Variants in PTPRM observed in about 807,000 individuals in gnomAD.
The protein encoded by PTPRM is receptor-type tyrosine-protein phosphatase mu.
Under a neutral mutation model 186.7 loss-of-function variants are expected in PTPRM, and 47 were observed. The observed-to-expected ratio is 0.25, with a 90% CI of 0.20 to 0.32. PTPRM has a LOEUF of 0.32. PTPRM is among the 10% of genes least tolerant of loss of function. The pLI, the probability that PTPRM is intolerant of heterozygous loss-of-function variation, is 1.00. For missense variants in PTPRM, 1,494 were observed against 1,865.0 expected (o/e 0.80, Z 3.66); for synonymous variants, 668 against 674.9 (o/e 0.99, Z 0.16).
At chr18:7,597,861 A>G (rs1373016397) in intron 1 of PTPRM, among the ~76,000 whole-genome samples, 1 of 152,226 alleles carries the variant, frequency 6.6e-6, no homozygotes, top group Non-Finnish European at 1.5e-5. Context: ...CATGTAGTGG[A>G]TAGGTGAAAA....
chr18:7,666,358 A>T (rs2039094305), intron 1 of PTPRM, among the ~76,000 whole-genome samples: 2 of 152,212 alleles, frequency 1.3e-5, no homozygotes, highest in African/African-American at 4.8e-5. Context: ...ACGAATGATA[A>T]CACTAATAAC....
intron 14 of PTPRM, among the ~76,000 whole-genome samples, chr18:8,156,720 C>T (rs79046834): frequency 0.013 from 1,923 of 152,242 alleles, 39 homozygotes; most frequent in African/African-American, 0.044. Flanking sequence ...CTGACAACAC[C>T]GTGCAGTCAT....
chr18:8,314,770 T>C lies in PTPRM; in HGVS notation c.2843-11T>C. On this transcript the variant is annotated splice_polypyrimidine_tract_variant and intron_variant, in intron 20 of 32. Transcript: ENST00000580170. ...TGTTAATCGTTATTTTCTGTCCCTT[T>C]TCCTTTGCAGACGATCATTCCCGAG... 1 of 1,609,232 alleles carries C rather than the reference T, an allele frequency of 6.2e-7. No homozygotes were observed. The highest frequency in any genetic ancestry group is 8.5e-7 in the Non-Finnish European group (1 of 1,176,796).
At chr18:8,345,392 A>T (rs1453535590) in intron 23 of PTPRM, among the ~76,000 whole-genome samples, 1 of 152,160 alleles carries the variant, frequency 6.6e-6, no homozygotes, top group Non-Finnish European at 1.5e-5. Context: ...GAAAAACCAC[A>T]TATAGCCAAT....
intron 14 of PTPRM, among the ~76,000 whole-genome samples, chr18:8,203,615 T>C (rs888806176): frequency 2.6e-5 from 4 of 152,220 alleles, no homozygotes; most frequent in African/African-American, 9.6e-5. Flanking sequence ...TGCAGTTATA[T>C]GGAAGAATTC....
At chr18:7,665,876 C>G (rs1242538290) in intron 1 of PTPRM, among the ~76,000 whole-genome samples, 1 of 151,854 alleles carries the variant, frequency 6.6e-6, no homozygotes, top group East Asian at 1.9e-4. Flanking sequence ...GAGTTGGGAT[C>G]GCGCCACTGC....
At chr18:7,921,259 ATCTTTTTCC>A (rs1568016428) in intron 4 of PTPRM, among the ~76,000 whole-genome samples, 1 of 151,908 alleles carries the variant, frequency 6.6e-6, no homozygotes, top group African/African-American at 2.4e-5. Flanking sequence ...TTTGTAGATA[ATCTTTTTCC>A]TTTTCATTTT....
intron 22 of PTPRM, among the ~76,000 whole-genome samples, chr18:8,322,305 G>C (rs187265419): frequency 6.6e-6 from 1 of 152,096 alleles, no homozygotes; most frequent in Admixed American, 6.5e-5. Context: ...TTTTCTAGCT[G>C]TAACTGACTT....
At chr18:8,178,710 C>T (rs556759852) in intron 14 of PTPRM, among the ~76,000 whole-genome samples, 1 of 152,128 alleles carries the variant, frequency 6.6e-6, no homozygotes, top group Non-Finnish European at 1.5e-5. Flanking sequence ...TCACTAGAAC[C>T]TGGGAGGTGG....
chr18:8,198,599 C>T (rs2093811637), intron 14 of PTPRM, among the ~76,000 whole-genome samples: 1 of 152,222 alleles, frequency 6.6e-6, no homozygotes, highest in African/African-American at 2.4e-5. Context: ...TTGTGCTCCA[C>T]TGTCTGCTCA....
intron 1 of PTPRM, among the ~76,000 whole-genome samples, chr18:7,653,436 C>A (rs2038771025): frequency 1.3e-5 from 2 of 151,774 alleles, no homozygotes; most frequent in Admixed American, 1.3e-4. Context: ...AGCCTAGTAC[C>A]CATTAGTTTT....
chr18:7,675,956 T>C (rs915654866), intron 1 of PTPRM, among the ~76,000 whole-genome samples: 8 of 152,232 alleles, frequency 5.3e-5, no homozygotes, highest in Middle Eastern at 3.4e-3. Context: ...AGGTTGGTCT[T>C]GAACTCCTGA....
At chr18:7,610,339 T>C (rs1378240590) in intron 1 of PTPRM, among the ~76,000 whole-genome samples, 1 of 152,198 alleles carries the variant, frequency 6.6e-6, no homozygotes, top group Non-Finnish European at 1.5e-5. Flanking sequence ...TGTCTTAAAG[T>C]GTTTTCTATC....
At chr18:7,991,093 G>A (rs774196388) in intron 7 of PTPRM, among the ~76,000 whole-genome samples, 1 of 152,128 alleles carries the variant, frequency 6.6e-6, no homozygotes, top group African/African-American at 2.4e-5. Flanking sequence ...CATGAATGAG[G>A]TTCTTAATTT....
intron 22 of PTPRM, among the ~76,000 whole-genome samples, 199 bp from the exon 23 acceptor site, chr18:8,343,224 C>T (rs532173530): frequency 2.6e-5 from 4 of 152,188 alleles, no homozygotes; most frequent in Non-Finnish European, 4.4e-5. Flanking sequence ...GAAAATTCAG[C>T]GACAAATGAC....
At chr18:8,057,075 C>A (rs2088024823) in intron 7 of PTPRM, among the ~76,000 whole-genome samples, 1 of 150,430 alleles carries the variant, frequency 6.6e-6, no homozygotes, top group Non-Finnish European at 1.5e-5. Context: ...TCTCATGTTG[C>A]AAAAAATAGT....
intron 1 of PTPRM, among the ~76,000 whole-genome samples, chr18:7,729,615 G>A (rs2040617146): frequency 1.3e-5 from 2 of 152,108 alleles, no homozygotes; most frequent in Admixed American, 1.3e-4. Flanking sequence ...TTTAAGTAGA[G>A]CAATTAAAAA....
chr18:7,874,767 A>G (rs2048150562), intron 2 of PTPRM, among the ~76,000 whole-genome samples: 1 of 152,244 alleles, frequency 6.6e-6, no homozygotes, highest in South Asian at 2.1e-4. Flanking sequence ...CTGTTTCTAG[A>G]CCACCTACCT....
chr18:7,665,774 T>C (rs750872668), intron 1 of PTPRM, among the ~76,000 whole-genome samples: 1 of 151,792 alleles, frequency 6.6e-6, no homozygotes, highest in Non-Finnish European at 1.5e-5. Context: ...ATACAAAAAT[T>C]AGCTGGGTGT....
Sources: allele counts gnomAD v4.1 joint callset (sites outside exome capture counted in the v4.1 genomes callset), GRCh38; gene constraint gnomAD v4.1.1; transcripts MANE v1.5; gene names NCBI Gene and HGNC (gene_info 2026-07-23, HGNC 2026-07-21).